The following STARD9 variants were observed in gnomAD, a reference collection of about 807,000 sequenced individuals.
STARD9 encodes StAR related lipid transfer domain containing 9.
A neutral mutation model predicts 399.8 loss-of-function variants in STARD9; 346 were observed. The observed-to-expected ratio is 0.87, with a 90% CI of 0.79 to 0.95. STARD9 has a LOEUF of 0.95. Among genes scored for constraint, STARD9 ranks in the 40% least tolerant of loss-of-function variants. The pLI, the probability that STARD9 is intolerant of heterozygous loss-of-function variation, is 0.00. For missense variants in STARD9, 5,832 were observed against 5,667.5 expected, an observed-to-expected ratio of 1.03 and a Z score of -0.93; for synonymous variants, 2,203 against 2,143.5, an observed-to-expected ratio of 1.03 and a Z score of -0.77.
chr15:42,686,900 AC>A lies in STARD9; in HGVS notation c.5328del (p.Arg1777GlyfsTer18). On this transcript the variant is annotated frameshift_variant, in exon 23 of 33. Coordinates refer to ENST00000290607, the MANE Select transcript of STARD9 (RefSeq NM_020759.3). LOFTEE classifies it high-confidence loss of function. Reference sequence around the variant, plus strand: ...GCAGAGAAGTAAGGGTACCCTCCCCACCCCCCAGGGAAGCCTGGGGCTTTGG... The same window carrying A: ...GCAGAGAAGTAAGGGTACCCTCCCCACCCCCAGGGAAGCCTGGGGCTTTGG... ...ACREVRVPSPPPREAWGFGHN... is the reference protein window; with the variant it reads ...ACREVRVPSPXPREAWGFGHN... The A allele has an allele frequency of 6.5e-7, 1 of 1,536,394 alleles. No homozygotes were observed. The highest frequency in any genetic ancestry group is 8.7e-7 in the Non-Finnish European group (1 of 1,146,748).
chr15:42,645,689 C>A (rs901693167), intron 7 of STARD9, among the ~76,000 whole-genome samples: 1 of 151,910 alleles, frequency 6.6e-6, no homozygotes, highest in Non-Finnish European at 1.5e-5. Context: ...CCCACCCATG[C>A]GCTACCATAC....
At chr15:42,667,797 C>A (rs2060132147) in intron 15 of STARD9, among the ~76,000 whole-genome samples, 1 of 152,170 alleles carries the variant, frequency 6.6e-6, no homozygotes, top group Admixed American at 6.5e-5. Context: ...AGATTTAAAT[C>A]CTACAACCAA....
In STARD9 at chr15:42,688,420, A is replaced by G; in HGVS notation, c.6842A>G (p.Gln2281Arg). ...AQGKVEEMPMQRGGSLQEENK... is the reference protein window; with the variant it reads ...AQGKVEEMPMRRGGSLQEENK... ...GGTAAAGTTGAAGAAATGCCTATGC[A>G]AAGGGGAGGCAGCCTTCAGGAAGAA... The change falls in exon 23 of 33, where the codon CAA becomes CGA. Residue 2281 changes from glutamine (Q) to arginine (R), a missense_variant. Around this residue, in one of 2 missense-constraint regions of STARD9, gnomAD observed 5,828 missense variants for 5,651.1 expected, o/e 1.03. Transcript: ENST00000290607. The G allele has an allele frequency of 3.3e-6, 5 of 1,537,722 alleles. No homozygotes were observed. Among genetic ancestry groups the G allele is most frequent in the Non-Finnish European group, 4.4e-6 (5 of 1,147,040 alleles).
At position 42,581,387 on chromosome 15, in the gene STARD9, A is replaced by G. The variant is rs909306916; in HGVS notation, c.48-1959A>G. The stretch of plus-strand genomic sequence containing the variant: ...AGAGCGTCCCCTCGGGCGTGGTGCA[A>G]TAGTCAAGAGGTAGCTGCGCGGCGT... On this transcript the variant is annotated intron_variant, in intron 1 of 32. Transcript: ENST00000290607. 16 of 1,492,492 alleles carry G rather than the reference A, an allele frequency of 1.1e-5. No homozygotes were observed. In the African/African-American group the frequency reaches 1.9e-4, roughly 18 times the overall value. The allele number at this position is 1,492,492 out of a possible 1,614,324, so 92.5% of individuals were successfully genotyped here.
intron 9 of STARD9, among the ~76,000 whole-genome samples, chr15:42,659,808 G>A (rs924609167): frequency 3.9e-5 from 6 of 152,162 alleles, no homozygotes; most frequent in Non-Finnish European, 8.8e-5. Context: ...ACAGGGGTGA[G>A]TCATCATGCC....
intron 16 of STARD9, chr15:42,669,572 C>T (rs1300834928): frequency 2.6e-6 from 1 of 381,192 alleles, no homozygotes; most frequent in East Asian, 3.7e-5. Flanking sequence ...ACTGCTGCTA[C>T]TGTTGTTCTT....
At chr15:42,615,746 C>G (rs912327455) in intron 3 of STARD9, among the ~76,000 whole-genome samples, 2 of 151,644 alleles carry the variant, frequency 1.3e-5, no homozygotes, top group African/African-American at 2.4e-5. Flanking sequence ...AGCGTTCCCA[C>G]CTCAGCATGA....
At chr15:42,677,982 A>T (rs1392846364) in intron 20 of STARD9, among the ~76,000 whole-genome samples, 2 of 152,186 alleles carry the variant, frequency 1.3e-5, no homozygotes, top group African/African-American at 4.8e-5. Context: ...GAGCTTTCAG[A>T]CACACAAGAA....
At position 42,637,790 on chromosome 15, in the gene STARD9, G is replaced by A; in HGVS notation, c.352-117G>A. 2.8e-6 allele frequency: 3 copies of A among 1,053,246 alleles called. No homozygotes were observed. In the South Asian group the frequency reaches 4.1e-5, roughly 14 times the overall value. The allele number at this position is 1,053,246 out of a possible 1,614,324, so 65.2% of individuals were successfully genotyped here. On this transcript the variant is annotated intron_variant, in intron 4 of 32. Transcript: ENST00000290607. ...CAGTGAAACTGCCTGGAGTGAAGAG[G>A]CTAGCACAAGGAGTCCATGCACTCA...
chr15:42,663,020 G>A (rs750639084), intron 11 of STARD9, 129 bp downstream of exon 11: 21 of 762,660 alleles, frequency 2.8e-5, no homozygotes, highest in Non-Finnish European at 4.2e-5. Flanking sequence ...GGCATGAAAA[G>A]TTGATATTTG....
chr15:42,674,457 A>G lies in STARD9; in HGVS notation c.1515A>G (p.Ile505Met). The change falls in exon 17 of 33, where the codon ATA becomes ATG. Residue 505 changes from isoleucine (I) to methionine (M), a missense_variant. Ile to Met is a conservative substitution (Grantham distance 10). Coordinates refer to ENST00000290607, the MANE Select transcript of STARD9 (RefSeq NM_020759.3). ...LYHLKEGTTK[I>M]GRIDSDQEQD... The stretch of plus-strand genomic sequence containing the variant: ...CCCTTTAGGAAGGGACAACAAAAAT[A>G]GGAAGGATTGACTCAGACCAGGAAC... 13 of 1,537,172 alleles carry G rather than the reference A, an allele frequency of 8.5e-6. No homozygotes were observed. Among genetic ancestry groups the G allele is most frequent in the Non-Finnish European group, 1.1e-5 (13 of 1,146,822 alleles).
At position 42,684,604 on chromosome 15, in the gene STARD9, C is replaced by T. The variant is rs1301581118; in HGVS notation, c.3026C>T (p.Ser1009Phe). The T allele has an allele frequency of 6.5e-7, 1 of 1,537,232 alleles. No homozygotes were observed. The highest frequency in any genetic ancestry group is 8.7e-7 in the Non-Finnish European group (1 of 1,146,910). Residue 1009 changes from serine (S) to phenylalanine (F), a missense_variant, in exon 23 of 33, where the codon TCC becomes TTC. Around this residue, in one of 2 missense-constraint regions of STARD9, gnomAD observed 5,828 missense variants for 5,651.1 expected, o/e 1.03. Transcript: ENST00000290607. ...HKAAKGASCN[S>F]LYPHGPRQTA... ...GCTGCTAAGGGAGCCAGTTGCAATT[C>T]CTTGTATCCTCATGGACCCAGGCAG...
chr15:42,620,228 G>A (rs557572595), intron 3 of STARD9, among the ~76,000 whole-genome samples: 1 of 152,232 alleles, frequency 6.6e-6, no homozygotes, highest in Non-Finnish European at 1.5e-5. Flanking sequence ...TTGCAACCTG[G>A]GAGCAGAGGT....
chr15:42,658,145 CT>C (rs1219631720), intron 9 of STARD9, among the ~76,000 whole-genome samples: 3 of 151,948 alleles, frequency 2.0e-5, no homozygotes, highest in African/African-American at 7.3e-5. Context: ...AACTTTTGTA[CT>C]TTTATAATTT....
In STARD9 at chr15:42,718,107, G is replaced by C. The variant is rs780506475; in HGVS notation, c.13690G>C (p.Val4564Leu). Residue 4564 changes from valine to leucine, a missense_variant, in exon 30 of 33, where the codon GTG becomes CTG. Physicochemically the swap from Val to Leu is conservative, Grantham distance 32. Around this residue, in one of 2 missense-constraint regions of STARD9, gnomAD observed 5,828 missense variants for 5,651.1 expected, o/e 1.03. Coordinates refer to ENST00000290607, the MANE Select transcript of STARD9 (RefSeq NM_020759.3). ...RVWAAVSDPT[V>L]WPLYYKPIQT... ...GTGGGCGGCTGTCAGTGACCCCACT[G>C]TGTGGCCCCTGTATTACAAGCCCAT... is the stretch of plus-strand genomic sequence containing the variant. 34 of 1,537,150 alleles carry C rather than the reference G, an allele frequency of 2.2e-5. No homozygotes were observed. In the African/African-American group the frequency reaches 4.0e-4, roughly 18 times the overall value.
rs968811994 is a variant in STARD9 at position 42,638,240 on chromosome 15, T to C, written c.446+153T>C. 5.8e-6 allele frequency: 4 copies of C among 694,480 alleles called. No homozygotes were observed. In the African/African-American group the frequency reaches 7.2e-5, roughly 13 times the overall value. 43.0% of individuals were successfully genotyped at this position (694,480 alleles called of 1,614,324 possible). On this transcript the variant is annotated intron_variant, in intron 6 of 32. Coordinates refer to ENST00000290607, the MANE Select transcript of STARD9 (RefSeq NM_020759.3). ...CTTGCAGTACAAGAGCTGAGAAAGA[T>C]ACTTAGGCCCTTGGTTGTAGGAAAC...
At chr15:42,683,599 CTCTT>C (rs1298958566) in intron 22 of STARD9, among the ~76,000 whole-genome samples, 5 of 152,138 alleles carry the variant, frequency 3.3e-5, no homozygotes, top group Admixed American at 6.5e-5. Flanking sequence ...TTTTTTCTCT[CTCTT>C]TTTTCTCTAA....
intron 26 of STARD9, among the ~76,000 whole-genome samples, chr15:42,703,186 T>C (rs1025146909): frequency 1.3e-5 from 2 of 152,180 alleles, no homozygotes; most frequent in East Asian, 3.8e-4. Flanking sequence ...AGTAGTCTTA[T>C]TTCATTAAAT....
At chr15:42,706,052 CTGT>C (rs540389646) in intron 26 of STARD9, among the ~76,000 whole-genome samples, 87 of 152,110 alleles carry the variant, frequency 5.7e-4, no homozygotes, top group African/African-American at 2.0e-3. Flanking sequence ...CGCACCCGTC[CTGT>C]TGTTTATTTT....
Sources: allele counts gnomAD v4.1 joint callset (sites outside exome capture counted in the v4.1 genomes callset), GRCh38; gene constraint gnomAD v4.1.1; regional missense constraint gnomAD v4.1.1; transcripts MANE v1.5; gene names NCBI Gene and HGNC (gene_info 2026-07-23, HGNC 2026-07-21).